FMNL2: variants seen among roughly 807,000 people sequenced by gnomAD.
FMNL2 encodes the protein formin-like protein 2.
In FMNL2, 51 loss-of-function variants were observed where a neutral mutation model predicts 130.2. The ratio of observed to expected loss-of-function variants is 0.39; its 90% CI spans 0.31 to 0.49. The LOEUF (loss-of-function observed/expected upper bound fraction) is 0.49, where lower values mean the gene tolerates loss of function less well. Ranked by LOEUF, FMNL2 falls within the 20% of genes least tolerant of loss-of-function variation. The pLI, the probability that FMNL2 is intolerant of heterozygous loss-of-function variation, is 0.85. For synonymous variants in FMNL2, 465 were observed against 467.1 expected (o/e 1.00, Z 0.06); for missense variants, 977 against 1,316.2 (o/e 0.74, Z 3.99).
intron 2 of FMNL2, among the ~76,000 whole-genome samples, chr2:152,531,971 CAGTG>C (rs1693723285): frequency 6.6e-6 from 1 of 152,074 alleles, no homozygotes; most frequent in Non-Finnish European, 1.5e-5. Context: ...TATGAAATGA[CAGTG>C]AAGTCGTATT....
At position 152,390,364 on chromosome 2, in the gene FMNL2, CTG is replaced by C. The variant is rs1464917699; in HGVS notation, c.117+54647_117+54648del. Reference sequence around the variant, plus strand: ...CTCATTGAGGATGGCAAGGTGGTGACTGTGCATCTTGAGAAGATCAATAAGAT... The same window carrying C: ...CTCATTGAGGATGGCAAGGTGGTGACTGCATCTTGAGAAGATCAATAAGAT... On this transcript the variant is annotated intron_variant, in intron 1 of 25. Transcript: ENST00000288670. The C allele has an allele frequency of 5.5e-6, 6 of 1,096,992 alleles. No homozygotes were observed. In the South Asian group the frequency reaches 6.2e-5, roughly 11 times the overall value. The allele number at this position is 1,096,992 out of a possible 1,614,324, so 68.0% of individuals were successfully genotyped here.
intron 2 of FMNL2, among the ~76,000 whole-genome samples, chr2:152,531,954 A>G (rs1241327693): frequency 6.6e-6 from 1 of 152,190 alleles, no homozygotes; most frequent in Non-Finnish European, 1.5e-5. Flanking sequence ...CTAGTGAATT[A>G]AGCAAATATG....
intron 1 of FMNL2, among the ~76,000 whole-genome samples, chr2:152,410,845 AG>A (rs1385422961): frequency 3.3e-5 from 5 of 152,210 alleles, no homozygotes; most frequent in Non-Finnish European, 7.3e-5. Context: ...AAATGTTGTG[AG>A]CAGAGTGGCC....
chr2:152,551,557 T>C (rs959318104), intron 4 of FMNL2, among the ~76,000 whole-genome samples: 1 of 152,258 alleles, frequency 6.6e-6, no homozygotes, highest in Non-Finnish European at 1.5e-5. Flanking sequence ...AACTCACTCT[T>C]TGTTATGTAA....
intron 1 of FMNL2, among the ~76,000 whole-genome samples, chr2:152,455,707 C>G (rs1446957639): frequency 6.6e-6 from 1 of 152,042 alleles, no homozygotes; most frequent in Non-Finnish European, 1.5e-5. Context: ...TATTTCATGT[C>G]ATATCATATT....
At chr2:152,339,337 C>T (rs546380879) in intron 1 of FMNL2, among the ~76,000 whole-genome samples, 1 of 152,266 alleles carries the variant, frequency 6.6e-6, no homozygotes, top group South Asian at 2.1e-4. Flanking sequence ...CAAATACTCC[C>T]ATGTCTTTTA....
At chr2:152,412,201 C>T (rs1686323842) in intron 1 of FMNL2, among the ~76,000 whole-genome samples, 2 of 151,832 alleles carry the variant, frequency 1.3e-5, no homozygotes, top group South Asian at 4.2e-4. Flanking sequence ...GAGCACTTGG[C>T]AGGTGGCATT....
intron 21 of FMNL2, among the ~76,000 whole-genome samples, chr2:152,636,009 C>T (rs1035561302): frequency 1.3e-5 from 2 of 152,158 alleles, no homozygotes; most frequent in Admixed American, 6.5e-5. Context: ...CACACAAAAC[C>T]TTAGGCTTGC....
intron 1 of FMNL2, among the ~76,000 whole-genome samples, chr2:152,393,264 T>C (rs1685218286): frequency 6.6e-6 from 1 of 152,194 alleles, no homozygotes; most frequent in South Asian, 2.1e-4. Context: ...ATAAGATATG[T>C]CTTAATTTCA....
chr2:152,362,304 T>G (rs1363515942), intron 1 of FMNL2, among the ~76,000 whole-genome samples: 1 of 152,150 alleles, frequency 6.6e-6, no homozygotes, highest in East Asian at 1.9e-4. Flanking sequence ...TCAAGTACAG[T>G]GTAAAGAGTG....
intron 10 of FMNL2, among the ~76,000 whole-genome samples, chr2:152,608,635 A>T (rs1325062680): frequency 6.6e-6 from 1 of 151,558 alleles, no homozygotes; most frequent in African/African-American, 2.4e-5. Context: ...ACTGACTTTT[A>T]AAATCTTGTT....
At chr2:152,609,901 A>G (rs1698588843) in intron 10 of FMNL2, among the ~76,000 whole-genome samples, 1 of 152,226 alleles carries the variant, frequency 6.6e-6, no homozygotes, top group South Asian at 2.1e-4. Flanking sequence ...ATGGAGGGAA[A>G]GCATTAGTAA....
At position 152,558,735 on chromosome 2, in the gene FMNL2, A is replaced by C. The variant is rs1414752598; in HGVS notation, c.360-5A>C. On this transcript the variant is annotated splice_region_variant and splice_polypyrimidine_tract_variant and intron_variant, in intron 4 of 25. Coordinates refer to ENST00000288670, the MANE Select transcript of FMNL2 (RefSeq NM_052905.4). ...CAATGATTTTTTTTTTTTTTTCCCC[A>C]ACAGATGGGTCAGAGAATTTCTGAA... is the stretch of plus-strand genomic sequence containing the variant. 1 of 1,584,674 alleles carries C rather than the reference A, an allele frequency of 6.3e-7. No individual in the cohort carries two copies. Among genetic ancestry groups the C allele is most frequent in the East Asian group, 2.3e-5 (1 of 44,156 alleles).
chr2:152,552,178 C>G (rs752636150), intron 4 of FMNL2, among the ~76,000 whole-genome samples: 13 of 152,170 alleles, frequency 8.5e-5, no homozygotes, highest in Non-Finnish European at 1.5e-4. Flanking sequence ...GATGACATAA[C>G]TTGTAAATTC....
intron 15 of FMNL2, among the ~76,000 whole-genome samples, chr2:152,624,283 G>A (rs13023779): frequency 2.0e-5 from 3 of 150,974 alleles, no homozygotes; most frequent in African/African-American, 4.9e-5. Flanking sequence ...TCAGCCTTCC[G>A]AGTAGCTAGG....
At chr2:152,407,935 A>T (rs1047668396) in intron 1 of FMNL2, among the ~76,000 whole-genome samples, 1 of 152,210 alleles carries the variant, frequency 6.6e-6, no homozygotes, top group African/African-American at 2.4e-5. Flanking sequence ...GGTATCCAGC[A>T]TTTTGTGCAG....
At chr2:152,562,255 A>G (rs1695574433) in intron 6 of FMNL2, among the ~76,000 whole-genome samples, 1 of 151,648 alleles carries the variant, frequency 6.6e-6, no homozygotes, top group Non-Finnish European at 1.5e-5. Flanking sequence ...TTTCTACACT[A>G]CCCCCTTACT....
intron 1 of FMNL2, among the ~76,000 whole-genome samples, chr2:152,489,247 C>T (rs549608099): frequency 2.0e-5 from 3 of 150,872 alleles, no homozygotes; most frequent in South Asian, 2.1e-4. Flanking sequence ...CCTAGCCATC[C>T]GAAGAGGTGG....
chr2:152,487,009 G>T (rs554910113), intron 1 of FMNL2, among the ~76,000 whole-genome samples: 3 of 152,288 alleles, frequency 2.0e-5, no homozygotes, highest in Non-Finnish European at 4.4e-5. Context: ...TGGCTCTTTT[G>T]CATAATCCAG....
Sources: allele counts gnomAD v4.1 joint callset (sites outside exome capture counted in the v4.1 genomes callset), GRCh38; gene constraint gnomAD v4.1.1; transcripts MANE v1.5; gene names NCBI Gene and HGNC (gene_info 2026-07-23, HGNC 2026-07-21).